Variants in PRICKLE4 observed in about 807,000 individuals in gnomAD.
The protein encoded by PRICKLE4 is prickle planar cell polarity protein 4.
Under a neutral mutation model 43.5 loss-of-function variants are expected in PRICKLE4, and 40 were observed. The ratio of observed to expected loss-of-function variants is 0.92; its 90% CI spans 0.71 to 1.20. PRICKLE4 has a LOEUF of 1.20. Among genes scored for constraint, PRICKLE4 ranks in the 50% most tolerant of loss-of-function variants. The probability of loss-of-function intolerance (pLI) is 0.00; values close to 1 mark genes in which losing one functional copy is unlikely to be tolerated. For synonymous variants in PRICKLE4, 208 were observed against 197.4 expected, an observed-to-expected ratio of 1.05 and a Z score of -0.45; for missense variants, 527 against 491.2, an observed-to-expected ratio of 1.07 and a Z score of -0.69.
chr6:41,786,496 G>T (rs1333578987), intron 7 of PRICKLE4, 164 bp downstream of exon 7: 3 of 1,049,562 alleles, frequency 2.9e-6, no homozygotes, highest in East Asian at 2.7e-5. Flanking sequence ...CTCTCACCGC[G>T]CATCCCTGGC....
chr6:41,785,988 G>A (rs1381010986), intron 6 of PRICKLE4, 140 bp from the exon 7 acceptor site: 3 of 957,722 alleles, frequency 3.1e-6, no homozygotes, highest in Non-Finnish European at 4.7e-6. Context: ...TCCTCCCTGC[G>A]TCCAAAAGTG....
In PRICKLE4 at chr6:41,783,463, C is replaced by A. The variant is rs1236273078; in HGVS notation, c.-11C>A. The A allele has an allele frequency of 6.7e-7, 1 of 1,488,420 alleles. No individual in the cohort carries two copies. Among genetic ancestry groups the A allele is most frequent in the Non-Finnish European group, 9.2e-7 (1 of 1,082,834 alleles). 92.2% of individuals were successfully genotyped at this position (1,488,420 alleles called of 1,614,324 possible). A position where few individuals can be genotyped will look rare whatever the true frequency, so the allele number is the denominator to read the frequency against. On this transcript the variant is annotated splice_region_variant and 5_prime_UTR_variant, in exon 3 of 8. Transcript: ENST00000458694. The stretch of plus-strand genomic sequence containing the variant: ...GGTGTTCTTATTGTTTTGGGGTAGG[C>A]TTTGCCACAAATGTCAGTGCAGAAC...
rs1388763640 is a variant in PRICKLE4, at chr6:41,787,365, T to C, written c.*236T>C. The C allele has an allele frequency of 6.1e-6, 4 of 653,764 alleles. No homozygotes were observed. Among genetic ancestry groups the C allele is most frequent in the Non-Finnish European group, 1.0e-5 (4 of 397,410 alleles). 40.5% of individuals were successfully genotyped at this position (653,764 alleles called of 1,614,324 possible). A position where few individuals can be genotyped will look rare whatever the true frequency, so the allele number is the denominator to read the frequency against. On this transcript the variant is annotated 3_prime_UTR_variant, in exon 8 of 8. Transcript: ENST00000458694. ...CAAAGCTACGCTTCCCCTGCTGAGA[T>C]AGCCCCTACCCCCACCTCCACAGGC...
intron 6 of PRICKLE4, 39 bp downstream of exon 6, chr6:41,785,579 G>A (rs1772629666): frequency 5.1e-6 from 8 of 1,583,010 alleles, no homozygotes; most frequent in African/African-American, 1.3e-5. Flanking sequence ...TCTGCCCAGA[G>A]TCCAGAGTGG....
intron 2 of PRICKLE4, among the ~76,000 whole-genome samples, chr6:41,781,917 A>T (rs1279002260): frequency 6.6e-6 from 1 of 152,202 alleles, no homozygotes; most frequent in Non-Finnish European, 1.5e-5. Flanking sequence ...AAATATTATT[A>T]AAAAGTTTGC....
In PRICKLE4 at chr6:41,785,600, A is replaced by G. The variant is rs1772629906; in HGVS notation, c.582+60A>G. 3 of 1,523,902 alleles carry G rather than the reference A, an allele frequency of 2.0e-6. No individual in the cohort carries two copies. In the Admixed American group the frequency reaches 5.2e-5, roughly 26 times the overall value. 94.4% of individuals were successfully genotyped at this position (1,523,902 alleles called of 1,614,324 possible). A position where few individuals can be genotyped will look rare whatever the true frequency, so the allele number is the denominator to read the frequency against. ...CAGAGTCCAGAGTGGCAGGATACAA[A>G]GGGACACTCTCCTGGGCCACAGTTT... On this transcript the variant is annotated intron_variant, in intron 6 of 7. Coordinates refer to ENST00000458694, the MANE Select transcript of PRICKLE4 (RefSeq NM_013397.6).
At position 41,782,429 on chromosome 6, in the gene PRICKLE4, G is replaced by A. The variant is rs372536534; in HGVS notation, c.-13+909G>A. ...TTTTGAGACGGAGTCTTGCTCTGTC[G>A]CCCAGGCTGGAGTGCAGTGGCGCGA... On this transcript the variant is annotated intron_variant, in intron 2 of 7. Transcript: ENST00000458694. Among the ~76,000 whole-genome samples, 226 of 114,888 alleles carry A rather than the reference G, an allele frequency of 2.0e-3. 1 individual carries two copies. Among genetic ancestry groups the A allele is most frequent in the African/African-American group, 6.8e-3 (202 of 29,568 alleles). 75.4% of individuals were successfully genotyped at this position (114,888 alleles called of 152,430 possible). A position where few individuals can be genotyped will look rare whatever the true frequency, so the allele number is the denominator to read the frequency against.
In PRICKLE4 at chr6:41,785,403, TGGCACCA is replaced by T; in HGVS notation, c.447_453del (p.Trp149CysfsTer13). ...AGCCCGGGCAGGGGAACAGCGCTGCTGGCACCAGCCTTGCTTTGCCTGCCAGGCCTGT... is the reference window on the plus strand; with the variant it reads ...AGCCCGGGCAGGGGAACAGCGCTGCTGCCTTGCTTTGCCTGCCAGGCCTGT... On this transcript the variant is annotated frameshift_variant, in exon 6 of 8. Transcript: ENST00000458694. LOFTEE classifies it high-confidence loss of function. 1 of 1,614,158 alleles carries T rather than the reference TGGCACCA, an allele frequency of 6.2e-7. No homozygotes were observed. The highest frequency in any genetic ancestry group is 8.5e-7 in the Non-Finnish European group (1 of 1,180,042).
At chr6:41,784,837 C>T in intron 4 of PRICKLE4, 98 bp from the exon 5 acceptor site, 3 of 1,496,480 alleles carry the variant, frequency 2.0e-6, no homozygotes, top group Non-Finnish European at 2.7e-6. Flanking sequence ...GTTCTACAAC[C>T]TTTCTCTGAC....
At position 41,787,234 on chromosome 6, in the gene PRICKLE4, C is replaced by G. The variant is rs1410796837; in HGVS notation, c.*105C>G. 1.4e-6 allele frequency: 2 copies of G among 1,432,944 alleles called. No homozygotes were observed. The highest frequency in any genetic ancestry group is 1.8e-6 in the Non-Finnish European group (2 of 1,090,732). 88.8% of individuals were successfully genotyped at this position (1,432,944 alleles called of 1,614,324 possible). A position where few individuals can be genotyped will look rare whatever the true frequency, so the allele number is the denominator to read the frequency against. ...AATCCTAGACTGAGACGCAGTCAGG[C>G]GCACGCCCGCAAGAGGCGGCGAGGT... On this transcript the variant is annotated 3_prime_UTR_variant, in exon 8 of 8. Coordinates refer to ENST00000458694, the MANE Select transcript of PRICKLE4 (RefSeq NM_013397.6).
At chr6:41,782,383 CTTCTTTTT>C (rs1294562036) in intron 2 of PRICKLE4, among the ~76,000 whole-genome samples, 5 of 70,426 alleles carry the variant, frequency 7.1e-5, no homozygotes, top group Admixed American at 5.9e-4. Flanking sequence ...ATGGTCACTT[CTTCTTTTT>C]TTTTTTTTTT....
At chr6:41,786,030 C>T in intron 6 of PRICKLE4, 98 bp from the exon 7 acceptor site, 1 of 1,272,446 alleles carries the variant, frequency 7.9e-7, no homozygotes, top group Non-Finnish European at 1.1e-6. Context: ...TGTGTGCAGA[C>T]GTGCTTTAGC....
chr6:41,785,372 G>A lies in PRICKLE4; in HGVS notation c.414G>A (p.Val138=), dbSNP rs1196558550. 1 of 1,614,152 alleles carries A rather than the reference G, an allele frequency of 6.2e-7. No individual in the cohort carries two copies. The highest frequency in any genetic ancestry group is 8.5e-7 in the Non-Finnish European group (1 of 1,180,038). ...TGCTGAAGCCAGGGGAGTACGGAGT[G>A]TTTGCAGCCCGGGCAGGGGAACAGC... ...RELLKPGEYG[V]FAARAGEQRC... The change falls in exon 6 of 8, where the codon GTG becomes GTA. Residue 138 remains valine, a synonymous_variant. Coordinates refer to ENST00000458694, the MANE Select transcript of PRICKLE4 (RefSeq NM_013397.6).
In PRICKLE4 at chr6:41,785,221, G is replaced by A; in HGVS notation, c.379-116G>A. 3.3e-6 allele frequency: 5 copies of A among 1,499,746 alleles called. No homozygotes were observed. The South Asian group carries it at 5.9e-5, about 18-fold the overall frequency. The allele number at this position is 1,499,746 out of a possible 1,614,324, so 92.9% of individuals were successfully genotyped here. Reference sequence around the variant, plus strand: ...GCAAGCTCTTGGTATAGGTTGCAGTGGATGTGGGCTTGCTAGGGTATGGCG... The same window carrying A: ...GCAAGCTCTTGGTATAGGTTGCAGTAGATGTGGGCTTGCTAGGGTATGGCG... On this transcript the variant is annotated intron_variant, in intron 5 of 7. Transcript: ENST00000458694.
Position 41,783,683 on chromosome 6 carries a change from G to A in PRICKLE4, c.132+78G>A, listed in dbSNP as rs4523083. On this transcript the variant is annotated intron_variant, in intron 3 of 7. Coordinates refer to ENST00000458694, the MANE Select transcript of PRICKLE4 (RefSeq NM_013397.6). ...GTGGCCACCCTTTTCCACCAACCCG[G>A]AGGTAGTTTGACTTCGTGCCTAATC... is the stretch of plus-strand genomic sequence containing the variant. 1,930 of 1,603,914 alleles carry A rather than the reference G, an allele frequency of 1.2e-3. 20 individuals carry two copies. The highest frequency in any genetic ancestry group is 8.7e-3 in the South Asian group (790 of 90,602).
intron 2 of PRICKLE4, among the ~76,000 whole-genome samples, chr6:41,781,814 A>G (rs1394119499): frequency 1.3e-5 from 2 of 152,158 alleles, no homozygotes; most frequent in African/African-American, 2.4e-5. Context: ...ACTTGTTTCA[A>G]CTGTCAAGTG....
intron 3 of PRICKLE4, chr6:41,783,890 A>T: frequency 1.4e-6 from 1 of 728,574 alleles, no homozygotes; most frequent in Non-Finnish European, 2.5e-6. Context: ...GGAAAGCATA[A>T]GAAGGGAAGC....
rs765417168 is a variant in PRICKLE4, at chr6:41,786,566, G to T, written c.788-196G>T. 2.7e-6 allele frequency: 3 copies of T among 1,096,524 alleles called. No homozygotes were observed. The South Asian group carries it at 4.1e-5, about 15-fold the overall frequency. 67.9% of individuals were successfully genotyped at this position (1,096,524 alleles called of 1,614,324 possible). On this transcript the variant is annotated intron_variant, in intron 7 of 7. Coordinates refer to ENST00000458694, the MANE Select transcript of PRICKLE4 (RefSeq NM_013397.6). Reference sequence around the variant, plus strand: ...CGCCGCGGTCGGGGTTGCGGCGCCAGACTCCCTCCCAGGCGCGGGAGGCGG... The same window carrying T: ...CGCCGCGGTCGGGGTTGCGGCGCCATACTCCCTCCCAGGCGCGGGAGGCGG...
chr6:41,785,918 C>T (rs1266961993), intron 6 of PRICKLE4, among the ~76,000 whole-genome samples: 1 of 152,152 alleles, frequency 6.6e-6, no homozygotes, highest in Admixed American at 6.5e-5. Context: ...GAGTCCAGAC[C>T]CCCAGGTCGC....
Sources: allele counts gnomAD v4.1 joint callset (sites outside exome capture counted in the v4.1 genomes callset), GRCh38; gene constraint gnomAD v4.1.1; transcripts MANE v1.5; gene names NCBI Gene and HGNC (gene_info 2026-07-23, HGNC 2026-07-21).